Variants in TMEM14C observed in about 807,000 individuals in gnomAD.
TMEM14C encodes the protein chromosome 6 open reading frame 53.
Under a neutral mutation model 14.8 loss-of-function variants are expected in TMEM14C, and 13 were observed. The observed-to-expected ratio is 0.88, with a 90% CI of 0.57 to 1.40. The LOEUF is 1.40. TMEM14C is among the 40% of genes most tolerant of loss of function. The pLI is 0.00. For synonymous variants in TMEM14C, 57 were observed against 51.3 expected (o/e 1.11, Z -0.48); for missense variants, 142 against 138.8 (o/e 1.02, Z -0.12).
intron 5 of TMEM14C, 55 bp from the exon 6 acceptor site, chr6:10,730,560 T>C (rs1387020826): frequency 1.7e-5 from 26 of 1,563,716 alleles, no homozygotes; most frequent in South Asian, 1.4e-4. Context: ...CTTAAAAACA[T>C]AGTTGCCTGT....
intron 5 of TMEM14C, chr6:10,728,989 C>G: frequency 1.3e-6 from 1 of 749,186 alleles, no homozygotes; most frequent in Non-Finnish European, 2.1e-6. Flanking sequence ...TATATGGTGG[C>G]AGAAGTTTTA....
At chr6:10,723,643 A>G (rs1295701587) in intron 1 of TMEM14C, among the ~76,000 whole-genome samples, 1 of 129,184 alleles carries the variant, frequency 7.7e-6, no homozygotes, top group Non-Finnish European at 1.5e-5. Context: ...TCTGTCGCCC[A>G]TGCTTGAGTG....
chr6:10,729,720 G>C (rs1158675599), intron 5 of TMEM14C, among the ~76,000 whole-genome samples: 1 of 152,208 alleles, frequency 6.6e-6, no homozygotes, highest in Non-Finnish European at 1.5e-5. Context: ...GGAGATTACA[G>C]TGAGCTGAGA....
At chr6:10,729,772 C>T (rs555183440) in intron 5 of TMEM14C, among the ~76,000 whole-genome samples, 2 of 150,148 alleles carry the variant, frequency 1.3e-5, no homozygotes, top group East Asian at 3.9e-4. Context: ...AGCAAGACTC[C>T]ATCTCAAAAA....
rs940389877 is a variant in TMEM14C at position 10,728,209 on chromosome 6, C to T, written c.200-431C>T. The stretch of plus-strand genomic sequence containing the variant: ...CTGAAGCACTGTAAAAGGGCAAAGA[C>T]AGTTACAATAACCTTTGTATTCTCC... On this transcript the variant is annotated intron_variant, in intron 4 of 5. Coordinates refer to ENST00000229563, the MANE Select transcript of TMEM14C (RefSeq NM_016462.4). Among the ~76,000 whole-genome samples, 14 of 152,202 alleles carry T rather than the reference C, an allele frequency of 9.2e-5. 1 individual carries two copies. The highest frequency in any genetic ancestry group is 3.4e-4 in the African/African-American group (14 of 41,456).
intron 3 of TMEM14C, 65 bp downstream of exon 3, chr6:10,725,102 C>G (rs1011953453): frequency 3.8e-6 from 6 of 1,588,818 alleles, no homozygotes; most frequent in Non-Finnish European, 4.3e-6. Context: ...TGTGAATGCC[C>G]GTGTCCCTGA....
intron 2 of TMEM14C, 83 bp from the exon 3 acceptor site, chr6:10,724,878 A>C (rs1770809482): frequency 6.5e-7 from 1 of 1,527,994 alleles, no homozygotes; most frequent in Non-Finnish European, 9.1e-7. Context: ...GTGGGGAATG[A>C]TTACCTTTTA....
Position 10,724,651 on chromosome 6 carries a change from G to A in TMEM14C, c.20+18G>A. 1 of 1,610,954 alleles carries A rather than the reference G, an allele frequency of 6.2e-7. No individual in the cohort carries two copies. The highest frequency in any genetic ancestry group is 8.5e-7 in the Non-Finnish European group (1 of 1,178,326). ...GGCTCAGTGTGAGTGCAGTAAATGG[G>A]TATGGAGTAGCCAGGAGCTTCTGGA... is the stretch of plus-strand genomic sequence containing the variant. On this transcript the variant is annotated intron_variant, in intron 2 of 5. Transcript: ENST00000229563.
intron 2 of TMEM14C, 112 bp downstream of exon 2, chr6:10,724,745 G>T: frequency 7.4e-7 from 1 of 1,348,422 alleles, no homozygotes. Context: ...ATGGGGGATG[G>T]GAGGATCACT....
chr6:10,730,714 T>C lies in TMEM14C; in HGVS notation c.*48T>C. The C allele has an allele frequency of 1.3e-6, 2 of 1,541,612 alleles. No individual in the cohort carries two copies. Among genetic ancestry groups the C allele is most frequent in the East Asian group, 2.3e-5 (1 of 43,852 alleles). ...ACTGATGAAGAATTAAAAATCTGCATCTTCCACTATTTTCAATATATTAAG... is the reference window on the plus strand; with the variant it reads ...ACTGATGAAGAATTAAAAATCTGCACCTTCCACTATTTTCAATATATTAAG... On this transcript the variant is annotated 3_prime_UTR_variant, in exon 6 of 6. Transcript: ENST00000229563.
intron 4 of TMEM14C, among the ~76,000 whole-genome samples, chr6:10,727,404 A>G (rs1045612739): frequency 6.6e-6 from 1 of 152,006 alleles, no homozygotes; most frequent in African/African-American, 2.4e-5. Flanking sequence ...TAGTGGCACA[A>G]CCTTGGCTCA....
Position 10,725,982 on chromosome 6 carries a change from A to T in TMEM14C, c.173A>T (p.Asp58Val), listed in dbSNP as rs1174773597. The change falls in exon 4 of 6, where the codon GAT becomes GTT. Residue 58 changes from aspartate to valine, a missense_variant. By Grantham distance (152) the Asp-to-Val change is radical. Coordinates refer to ENST00000229563, the MANE Select transcript of TMEM14C (RefSeq NM_016462.4). ...AGLGAYQLSQ[D>V]PRNVWVFLAT... ...CTGGGTGCTTACCAGCTGTCTCAGG[A>T]TCCAAGGAACGTTTGGGTTTTCCTA... The T allele has an allele frequency of 1.9e-6, 3 of 1,614,004 alleles. No individual in the cohort carries two copies. In the African/African-American group the frequency reaches 4.0e-5, roughly 22 times the overall value.
At chr6:10,730,251 T>C (rs1342117242) in intron 5 of TMEM14C, among the ~76,000 whole-genome samples, 1 of 152,198 alleles carries the variant, frequency 6.6e-6, no homozygotes, top group Non-Finnish European at 1.5e-5. Context: ...GTATAATGTT[T>C]TATACCTGAA....
chr6:10,728,614 A>C (rs1167345272), intron 4 of TMEM14C, 26 bp from the exon 5 acceptor site: 2 of 1,611,582 alleles, frequency 1.2e-6, no homozygotes, highest in Admixed American at 3.3e-5. Context: ...ATGAGTTTTA[A>C]CACTTCTTTA....
chr6:10,724,382 A>G lies in TMEM14C; in HGVS notation c.-44-188A>G, dbSNP rs547955712. On this transcript the variant is annotated intron_variant, in intron 1 of 5. Coordinates refer to ENST00000229563, the MANE Select transcript of TMEM14C (RefSeq NM_016462.4). ...TCTGTTCAGGGTTTACTAGGTGCTA[A>G]GCACCTTTACATGTGACATCCATTG... The G allele has an allele frequency of 6.4e-5, 36 of 564,598 alleles. No individual in the cohort carries two copies. In the South Asian group the frequency reaches 7.6e-4, roughly 12 times the overall value. The allele number at this position is 564,598 out of a possible 1,614,324, so 35.0% of individuals were successfully genotyped here.
At chr6:10,724,769 A>C in intron 2 of TMEM14C, 136 bp downstream of exon 2, 1 of 1,338,264 alleles carries the variant, frequency 7.5e-7, no homozygotes, top group Non-Finnish European at 1.1e-6. Context: ...CCTGTGGGCC[A>C]GAAACTTGGG....
Position 10,725,925 on chromosome 6 carries a change from C to T in TMEM14C, c.116C>T (p.Ala39Val), listed in dbSNP as rs1338435800. Residue 39 changes from alanine to valine, a missense_variant, in exon 4 of 6, where the codon GCT becomes GTT. Physicochemically the swap from Ala to Val is moderately conservative, Grantham distance 64. Transcript: ENST00000229563. ...YVKAGSVPSL[A>V]AGLLFGSLAG... Reference sequence around the variant, plus strand: ...CCTCTAGGCAGCGTGCCGTCCCTGGCTGCAGGGCTGCTCTTTGGCAGTCTA... The same window carrying T: ...CCTCTAGGCAGCGTGCCGTCCCTGGTTGCAGGGCTGCTCTTTGGCAGTCTA... 1 of 1,613,880 alleles carries T rather than the reference C, an allele frequency of 6.2e-7. No homozygotes were observed. The highest frequency in any genetic ancestry group is 1.3e-5 in the African/African-American group (1 of 74,928).
intron 1 of TMEM14C, 102 bp from the exon 2 acceptor site, chr6:10,724,468 T>C: frequency 2.7e-6 from 2 of 728,892 alleles, no homozygotes; most frequent in Non-Finnish European, 4.8e-6. Flanking sequence ...CAGTGAAGAA[T>C]ACTGAGACTT....
Position 10,723,277 on chromosome 6 carries a change from A to G in TMEM14C, c.-45+36A>G, listed in dbSNP as rs149707058. On this transcript the variant is annotated intron_variant, in intron 1 of 5. Coordinates refer to ENST00000229563, the MANE Select transcript of TMEM14C (RefSeq NM_016462.4). ...TTGGGGATTATTCTTATTTTCTGCC[A>G]CTTTTAACTTTTAGGGATTATTTAG... 2.0e-5 allele frequency: 3 copies of G among 152,304 alleles called. No homozygotes were observed. In the East Asian group the frequency reaches 5.8e-4, roughly 29 times the overall value. The allele number at this position is 152,304 out of a possible 1,614,324, so 9.4% of individuals were successfully genotyped here.
Sources: gnomAD v4.1 joint callset for allele counts (sites outside exome capture counted in the v4.1 genomes callset) on GRCh38, gnomAD v4.1.1 for gene constraint, MANE v1.5 for transcripts, NCBI Gene and HGNC (gene_info 2026-07-23, HGNC 2026-07-21) for gene names.